Variants in FUT9 observed in about 807,000 individuals in gnomAD.
FUT9 encodes 4-galactosyl-N-acetylglucosaminide 3-alpha-L-fucosyltransferase 9.
Under a neutral mutation model 29.7 loss-of-function variants are expected in FUT9, and 15 were observed. The observed-to-expected ratio is 0.51, with a 90% confidence interval of 0.34 to 0.78. The LOEUF is 0.78. Among genes scored for constraint, FUT9 ranks in the 30% least tolerant of loss-of-function variants. The pLI, the probability that FUT9 is intolerant of heterozygous loss-of-function variation, is 0.01. For missense variants in FUT9, 319 were observed against 425.4 expected, an observed-to-expected ratio of 0.75 and a Z score of 2.20; for synonymous variants, 169 against 153.7, an observed-to-expected ratio of 1.10 and a Z score of -0.74.
intron 1 of FUT9, among the ~76,000 whole-genome samples, chr6:96,090,825 G>A (rs1771399431): frequency 6.6e-6 from 1 of 151,872 alleles, no homozygotes; most frequent in Non-Finnish European, 1.5e-5. Context: ...AAAGTAAAAA[G>A]ATGTTAATTT....
At chr6:96,081,965 C>T (rs1771245065) in intron 1 of FUT9, among the ~76,000 whole-genome samples, 1 of 151,584 alleles carries the variant, frequency 6.6e-6, no homozygotes, top group African/African-American at 2.4e-5. Context: ...GTTTATATTT[C>T]CTTTCCTCTG....
chr6:96,141,602 G>A (rs969483873), intron 2 of FUT9, among the ~76,000 whole-genome samples: 3 of 152,210 alleles, frequency 2.0e-5, no homozygotes, highest in Non-Finnish European at 2.9e-5. Context: ...ACAGAAAGGA[G>A]AAGGCAGATA....
intron 1 of FUT9, among the ~76,000 whole-genome samples, chr6:96,067,907 A>C (rs1208339439): frequency 6.6e-6 from 1 of 152,126 alleles, no homozygotes; most frequent in African/African-American, 2.4e-5. Context: ...TGTTGTGATG[A>C]TTAATGAGTT....
chr6:96,139,367 C>A (rs1352403974), intron 2 of FUT9, among the ~76,000 whole-genome samples: 1 of 152,154 alleles, frequency 6.6e-6, no homozygotes, highest in Non-Finnish European at 1.5e-5. Context: ...GGTACAGATC[C>A]CTCCTGGCTG....
At chr6:96,057,719 T>A (rs945371741) in intron 1 of FUT9, among the ~76,000 whole-genome samples, 2 of 152,230 alleles carry the variant, frequency 1.3e-5, no homozygotes, top group African/African-American at 2.4e-5. Context: ...CAATCTTATA[T>A]GCATAGGAGC....
chr6:96,163,433 A>T (rs937503778), intron 2 of FUT9, among the ~76,000 whole-genome samples: 2 of 152,198 alleles, frequency 1.3e-5, no homozygotes, highest in Non-Finnish European at 2.9e-5. Context: ...TGAAAATCTA[A>T]CTTAAGAGTA....
chr6:96,026,511 C>T (rs375941514), intron 1 of FUT9, among the ~76,000 whole-genome samples: 59 of 151,688 alleles, frequency 3.9e-4, no homozygotes, highest in African/African-American at 1.4e-3. Context: ...ATATATTAAG[C>T]ATATACTTTG....
chr6:96,096,990 T>G (rs1771509668), intron 1 of FUT9, among the ~76,000 whole-genome samples: 1 of 152,132 alleles, frequency 6.6e-6, no homozygotes, highest in South Asian at 2.1e-4. Context: ...GCAACAGTCA[T>G]AGAATGAATT....
rs368520766 is a variant in FUT9, at chr6:96,130,957, A to G, written c.-9+16830A>G. ...TCCTGATCCTTTTTGAGGAATCAGT[A>G]CACCATAGTGGTCGTCCCTGCTTAT... On this transcript the variant is annotated intron_variant, in intron 2 of 2. Transcript: ENST00000302103. 7.2e-5 allele frequency among the ~76,000 whole-genome samples: 11 copies of G among 152,152 alleles called. No individual in the cohort carries two copies. In the East Asian group the frequency reaches 1.7e-3, roughly 24 times the overall value.
chr6:96,017,197 T>A (rs1054103852), intron 1 of FUT9, among the ~76,000 whole-genome samples: 1 of 152,146 alleles, frequency 6.6e-6, no homozygotes, highest in African/African-American at 2.4e-5. Flanking sequence ...TTCTTTGAAA[T>A]TGCAATAAGC....
At chr6:96,171,337 A>G (rs1773108783) in intron 2 of FUT9, among the ~76,000 whole-genome samples, 1 of 152,158 alleles carries the variant, frequency 6.6e-6, no homozygotes. Flanking sequence ...GGAGCTCAAT[A>G]ATGTTCTTCA....
At chr6:96,031,394 TA>T (rs143790344) in intron 1 of FUT9, among the ~76,000 whole-genome samples, 58,501 of 150,902 alleles carry the variant, frequency 0.39, 12,380 homozygotes, top group East Asian at 0.68. Flanking sequence ...GATTAGTAGA[TA>T]AAAAAAACTA....
At chr6:96,128,214 A>C (rs1772168442) in intron 2 of FUT9, among the ~76,000 whole-genome samples, 1 of 152,174 alleles carries the variant, frequency 6.6e-6, no homozygotes, top group South Asian at 2.1e-4. Context: ...CTTTAAATTT[A>C]AAAATCTGGG....
At position 96,207,919 on chromosome 6, in the gene FUT9, C is replaced by T. The variant is rs1027360019; in HGVS notation, c.*3684C>T. Reference sequence around the variant, plus strand: ...ACCCTGAACAAGAAAGACATGAGAGCCTGACAGTCATATATATTATGACAG... The same window carrying T: ...ACCCTGAACAAGAAAGACATGAGAGTCTGACAGTCATATATATTATGACAG... On this transcript the variant is annotated 3_prime_UTR_variant, in exon 3 of 3. Transcript: ENST00000302103. The T allele has an allele frequency of 4.8e-5, 8 of 166,306 alleles. No homozygotes were observed. Among genetic ancestry groups the T allele is most frequent in the Admixed American group, 6.6e-5 (1 of 15,204 alleles). The allele number at this position is 166,306 out of a possible 1,614,324, so 10.3% of individuals were successfully genotyped here. A position where few individuals can be genotyped will look rare whatever the true frequency, so the allele number is the denominator to read the frequency against.
chr6:96,099,194 C>G (rs149567589), intron 1 of FUT9, among the ~76,000 whole-genome samples: 48 of 152,026 alleles, frequency 3.2e-4, no homozygotes, highest in African/African-American at 1.1e-3. Context: ...AAGCAAATCA[C>G]TAAAGATGAT....
intron 1 of FUT9, among the ~76,000 whole-genome samples, chr6:96,043,738 G>A (rs1435369625): frequency 2.0e-5 from 3 of 152,160 alleles, no homozygotes; most frequent in African/African-American, 7.2e-5. Flanking sequence ...GGGGCTTTTT[G>A]TAATCTCGAA....
chr6:96,081,109 T>C (rs996773965), intron 1 of FUT9, among the ~76,000 whole-genome samples: 2 of 151,638 alleles, frequency 1.3e-5, no homozygotes, highest in Admixed American at 6.6e-5. Flanking sequence ...TTACTAGTTA[T>C]AATATCTGTA....
chr6:96,172,695 G>A (rs1042967060), intron 2 of FUT9, among the ~76,000 whole-genome samples: 44 of 151,950 alleles, frequency 2.9e-4, no homozygotes, highest in African/African-American at 6.3e-4. Context: ...TAAGGCTGAC[G>A]AGTAGCAGCA....
chr6:96,090,564 C>T (rs10872749), intron 1 of FUT9, among the ~76,000 whole-genome samples: 17,413 of 151,572 alleles, frequency 0.11, 1,290 homozygotes, highest in Non-Finnish European at 0.16. Flanking sequence ...TTGACATGAT[C>T]ATCAAGACAA....
Sources: gnomAD v4.1 joint callset for allele counts (sites outside exome capture counted in the v4.1 genomes callset) on GRCh38, gnomAD v4.1.1 for gene constraint, MANE v1.5 for transcripts, NCBI Gene and HGNC (gene_info 2026-07-23, HGNC 2026-07-21) for gene names.